ZFHX3: variants seen among roughly 807,000 people sequenced by gnomAD.
ZFHX3 encodes the protein zinc finger homeobox protein 3.
ZFHX3 carries 42 observed loss-of-function variants against 279.1 expected under a neutral mutation model. That is an observed-to-expected ratio of 0.15 (90% confidence interval 0.12 to 0.19). The LOEUF is 0.19. Among genes scored for constraint, ZFHX3 ranks in the 10% least tolerant of loss-of-function variants. ZFHX3 has a pLI of 1.00. For synonymous variants in ZFHX3, 2,293 were observed against 1,957.8 expected (o/e 1.17, Z -4.52); for missense variants, 4,981 against 4,754.0 (o/e 1.05, Z -1.40).
At chr16:73,478,328 G>A (rs1448764322) in intron 2 of ZFHX3, among the ~76,000 whole-genome samples, 3 of 151,526 alleles carry the variant, frequency 2.0e-5, no homozygotes, top group South Asian at 2.1e-4. Flanking sequence ...GCCTGAACAG[G>A]GACTTGAACC....
chr16:73,250,453 T>G (rs28742971), intron 5 of ZFHX3, among the ~76,000 whole-genome samples: 89,792 of 151,942 alleles, frequency 0.59, 26,792 homozygotes, highest in Non-Finnish European at 0.63. Context: ...ATTTTTAATT[T>G]TACAATTCAG....
intron 8 of ZFHX3, among the ~76,000 whole-genome samples, chr16:73,086,435 A>G (rs1386803083): frequency 2.6e-5 from 4 of 152,250 alleles, no homozygotes; most frequent in African/African-American, 9.6e-5. Flanking sequence ...ATTACTCACA[A>G]TAGCAAAGAT....
intron 7 of ZFHX3, among the ~76,000 whole-genome samples, chr16:73,094,804 G>A (rs1047062466): frequency 6.6e-6 from 1 of 152,082 alleles, no homozygotes; most frequent in Non-Finnish European, 1.5e-5. Flanking sequence ...CCACCTTCTG[G>A]GTTCAAGTGA....
chr16:73,573,173 G>C (rs1206902808), intron 2 of ZFHX3, among the ~76,000 whole-genome samples: 8 of 152,178 alleles, frequency 5.3e-5, no homozygotes, highest in African/African-American at 1.9e-4. Context: ...ATTCTGCAAT[G>C]ATATTTAACC....
Position 73,303,963 on chromosome 16 carries a change from G to GGAAAAAAA in ZFHX3, c.-1194+14276_-1194+14277insTTTTTTTC, listed in dbSNP as rs781722281. On this transcript the variant is annotated intron_variant, in intron 4 of 17. Transcript: ENST00000641206. ...GATGGAGGTTCAAAAACCCTAGGTG[G>GGAAAAAAA]AAAAAAAAAAAAAAAAAAAAAAAAA... is the stretch of plus-strand genomic sequence containing the variant. Among the ~76,000 whole-genome samples, 14 of 76,126 alleles carry GGAAAAAAA rather than the reference G, an allele frequency of 1.8e-4. 2 individuals carry two copies. The highest frequency in any genetic ancestry group is 3.3e-4 in the East Asian group (1 of 3,020). 49.9% of individuals were successfully genotyped at this position (76,126 alleles called of 152,430 possible). A position where few individuals can be genotyped will look rare whatever the true frequency, so the allele number is the denominator to read the frequency against.
chr16:72,924,486 A>T (rs185017142), intron 3 of ZFHX3, among the ~76,000 whole-genome samples: 26 of 152,278 alleles, frequency 1.7e-4, no homozygotes, highest in Admixed American at 1.7e-3. Context: ...GGAACTGGTT[A>T]TGGGTTTTGA....
chr16:73,764,307 T>G, intron 1 of ZFHX3, among the ~76,000 whole-genome samples: 1 of 152,152 alleles, frequency 6.6e-6, no homozygotes, highest in South Asian at 2.1e-4. Context: ...TTTCTGCCTG[T>G]GATTCAATCT....
intron 1 of ZFHX3, among the ~76,000 whole-genome samples, chr16:73,826,128 A>C (rs1327595935): frequency 8.1e-6 from 1 of 123,286 alleles, no homozygotes; most frequent in African/African-American, 3.9e-5. Context: ...ATCTCTTGTA[A>C]GTTGGATTCC....
At chr16:73,021,557 G>A (rs1964297338) in intron 1 of ZFHX3, among the ~76,000 whole-genome samples, 2 of 152,118 alleles carry the variant, frequency 1.3e-5, no homozygotes, top group Non-Finnish European at 2.9e-5. Context: ...TGAGCCAGGT[G>A]TGGTGGCTCA....
In ZFHX3 at chr16:72,787,706, C is replaced by T. The variant is rs769543239; in HGVS notation, c.10570G>A (p.Gly3524Ser). The change falls in exon 10 of 10, where the codon GGC (glycine) becomes AGC (serine). Residue 3524 changes from glycine (G) to serine (S), a missense_variant. By Grantham distance (56) the Gly-to-Ser change is moderately conservative (BLOSUM62 0). Transcript: ENST00000268489. ...GGGGGGGGGG[G>S]GGGSYHCLAC... Reference sequence around the variant, plus strand: ...AGGCAGTGGTACGAGCCGCCGCCGCCGCCGCCGCCGCCACCGCCGCCGCCG... The same window carrying T: ...AGGCAGTGGTACGAGCCGCCGCCGCTGCCGCCGCCGCCACCGCCGCCGCCG... The T allele has an allele frequency of 1.6e-5, 22 of 1,389,182 alleles. No individual in the cohort carries two copies. Among genetic ancestry groups the T allele is most frequent in the African/African-American group, 8.9e-5 (6 of 67,634 alleles). 86.1% of individuals were successfully genotyped at this position (1,389,182 alleles called of 1,614,324 possible).
intron 5 of ZFHX3, among the ~76,000 whole-genome samples, chr16:73,186,047 G>A (rs1261271202): frequency 1.3e-5 from 2 of 152,040 alleles, no homozygotes; most frequent in Non-Finnish European, 2.9e-5. Flanking sequence ...CTCCCTGTGA[G>A]AATCTAATGC....
intron 1 of ZFHX3, among the ~76,000 whole-genome samples, chr16:72,982,025 C>T (rs1012797189): frequency 3.3e-5 from 5 of 151,772 alleles, no homozygotes; most frequent in African/African-American, 9.7e-5. Flanking sequence ...TGGGATTACA[C>T]GCACCTACCA....
At chr16:73,092,615 C>T in intron 8 of ZFHX3, 1 of 246,772 alleles carries the variant, frequency 4.1e-6, no homozygotes, top group South Asian at 5.2e-5. Flanking sequence ...CAAATAGACG[C>T]CTTCATAGAA....
chr16:73,676,754 G>A (rs953278135), intron 2 of ZFHX3, among the ~76,000 whole-genome samples: 1 of 151,642 alleles, frequency 6.6e-6, no homozygotes, highest in Non-Finnish European at 1.5e-5. Context: ...GTACAGAAAG[G>A]ATGAGTAAAA....
rs138920958 is a variant in ZFHX3, at chr16:72,995,693, G to A, written c.-49-35499C>T. ...ACACGGGAATCCGCCCACAAACCCCGCGCTGGGTCCTGCCACTCCCTAGCT... is the reference window on the plus strand; with the variant it reads ...ACACGGGAATCCGCCCACAAACCCCACGCTGGGTCCTGCCACTCCCTAGCT... On this transcript the variant is annotated intron_variant, in intron 1 of 9. Coordinates refer to ENST00000268489, the MANE Select transcript of ZFHX3 (RefSeq NM_006885.4). 1.4e-3 allele frequency among the ~76,000 whole-genome samples: 213 copies of A among 152,186 alleles called. No homozygotes were observed. The Middle Eastern group carries it at 0.017, about 12-fold the overall frequency.
chr16:73,656,278 C>G (rs1346191399), intron 2 of ZFHX3, among the ~76,000 whole-genome samples: 1 of 152,184 alleles, frequency 6.6e-6, no homozygotes, highest in Non-Finnish European at 1.5e-5. Flanking sequence ...AGTCAGATGT[C>G]AACTCCTAAC....
chr16:72,874,851 G>A (rs921290006), intron 4 of ZFHX3, among the ~76,000 whole-genome samples: 3 of 152,128 alleles, frequency 2.0e-5, no homozygotes, highest in Admixed American at 2.0e-4. Flanking sequence ...TGAGTGGTGT[G>A]AAACAAAAGA....
At position 72,786,212 on chromosome 16, in the gene ZFHX3, C is replaced by T. The variant is rs2143244305; in HGVS notation, c.*952G>A. 1 of 151,284 alleles carries T rather than the reference C, an allele frequency of 6.6e-6. No homozygotes were observed. Among genetic ancestry groups the T allele is most frequent in the South Asian group, 2.1e-4 (1 of 4,782 alleles). 9.4% of individuals were successfully genotyped at this position (151,284 alleles called of 1,614,324 possible). A position where few individuals can be genotyped will look rare whatever the true frequency, so the allele number is the denominator to read the frequency against. On this transcript the variant is annotated 3_prime_UTR_variant, in exon 10 of 10. Coordinates refer to ENST00000268489, the MANE Select transcript of ZFHX3 (RefSeq NM_006885.4). The stretch of plus-strand genomic sequence containing the variant: ...ATCAAATGAGGAGCTGTCAGCTGGA[C>T]CATACAAAAAGCTAAATGTACACAA...
At chr16:73,365,359 A>G (rs1294106056) in intron 3 of ZFHX3, among the ~76,000 whole-genome samples, 1 of 152,226 alleles carries the variant, frequency 6.6e-6, no homozygotes, top group Non-Finnish European at 1.5e-5. Flanking sequence ...TATTCATTCA[A>G]CAAATATTTA....
Sources: allele counts gnomAD v4.1 joint callset (sites outside exome capture counted in the v4.1 genomes callset), GRCh38; gene constraint gnomAD v4.1.1; transcripts MANE v1.5; gene names NCBI Gene and HGNC (gene_info 2026-07-23, HGNC 2026-07-21).